Variants in CDK13 observed in about 807,000 individuals in gnomAD.
CDK13 encodes the protein cyclin-dependent kinase 13.
CDK13 carries 40 observed loss-of-function variants against 137.6 expected under a neutral mutation model. The ratio of observed to expected loss-of-function variants is 0.29; its 90% CI spans 0.23 to 0.38. The LOEUF (loss-of-function observed/expected upper bound fraction) is 0.38. CDK13 is among the 10% of genes least tolerant of loss of function. The pLI is 1.00. For missense variants in CDK13, 1,704 were observed against 1,951.8 expected (o/e 0.87, Z 2.39); for synonymous variants, 869 against 760.1 (o/e 1.14, Z -2.36).
At chr7:39,981,018 G>C (rs1428967723) in intron 1 of CDK13, among the ~76,000 whole-genome samples, 1 of 152,106 alleles carries the variant, frequency 6.6e-6, no homozygotes. Flanking sequence ...TCACAAGCAA[G>C]AAACAGGTAA....
At chr7:40,005,240 GA>G (rs1351898525) in intron 5 of CDK13, among the ~76,000 whole-genome samples, 1 of 148,936 alleles carries the variant, frequency 6.7e-6, no homozygotes. Flanking sequence ...TTAAAAATGA[GA>G]AAAAGTTAAT....
rs538441115 is a variant in CDK13 at position 39,952,041 on chromosome 7, C to T, written c.1211+189C>T. The T allele has an allele frequency of 8.8e-6, 4 of 453,938 alleles. No individual in the cohort carries two copies. The Admixed American group carries it at 1.8e-4, about 20-fold the overall frequency. The allele number at this position is 453,938 out of a possible 1,614,324, so 28.1% of individuals were successfully genotyped here. On this transcript the variant is annotated intron_variant, in intron 1 of 13. Transcript: ENST00000181839. ...ACACTTTTTTAGGGGGTCGAAGGGA[C>T]AAAGCAACTGGGCGAAGGGAACTTT...
At chr7:40,078,300 A>G in intron 10 of CDK13, 179 bp downstream of exon 10, 2 of 426,288 alleles carry the variant, frequency 4.7e-6, no homozygotes, top group Non-Finnish European at 8.3e-6. Context: ...TTATGGAATC[A>G]GTGATTTGAG....
intron 7 of CDK13, among the ~76,000 whole-genome samples, chr7:40,049,737 T>C (rs1185290399): frequency 6.6e-6 from 1 of 152,132 alleles, no homozygotes. Flanking sequence ...CTTCCCCCCA[T>C]ACTCCCTATG....
chr7:40,001,059 A>G (rs1345714127), intron 4 of CDK13, among the ~76,000 whole-genome samples: 2 of 152,164 alleles, frequency 1.3e-5, no homozygotes. Flanking sequence ...AGGTTTGGTC[A>G]AGTAATATGT....
At chr7:40,029,073 T>C (rs1049500054) in intron 5 of CDK13, among the ~76,000 whole-genome samples, 3 of 152,002 alleles carry the variant, frequency 2.0e-5, no homozygotes, top group Non-Finnish European at 4.4e-5. Flanking sequence ...ATTTTTTTTT[T>C]TGGAGATTTG....
chr7:39,970,581 C>T (rs574530493), intron 1 of CDK13, among the ~76,000 whole-genome samples: 12 of 152,092 alleles, frequency 7.9e-5, no homozygotes, highest in African/African-American at 2.9e-4. Flanking sequence ...TTGCCTCAGC[C>T]TCCCCAGTAG....
chr7:40,071,014 C>A (rs1562759730), intron 9 of CDK13: 1 of 152,156 alleles, frequency 6.6e-6, no homozygotes, highest in East Asian at 1.9e-4. Context: ...TACACACAAA[C>A]CCTCAGGCCT....
At chr7:39,959,549 C>T (rs1240537516) in intron 1 of CDK13, among the ~76,000 whole-genome samples, 1 of 151,920 alleles carries the variant, frequency 6.6e-6, no homozygotes, top group Non-Finnish European at 1.5e-5. Flanking sequence ...TCACTGCAAC[C>T]TCCACCTCCC....
chr7:40,089,437 CAA>C (rs67433312), intron 12 of CDK13, among the ~76,000 whole-genome samples: 308 of 123,780 alleles, frequency 2.5e-3, no homozygotes, highest in East Asian at 5.5e-3. Context: ...GAGACTGTCT[CAA>C]AAAAAAAAAA....
chr7:39,951,932 T>G (rs903091654), intron 1 of CDK13, 80 bp downstream of exon 1: 5 of 1,290,390 alleles, frequency 3.9e-6, no homozygotes, highest in Middle Eastern at 2.0e-4. Context: ...GGTGCCCGGG[T>G]CCTCAGAACG....
Position 39,990,972 on chromosome 7 carries a change from T to G in CDK13, c.1871+2714T>G, listed in dbSNP as rs189676219. Among the ~76,000 whole-genome samples the G allele has an allele frequency of 2.7e-3, 411 of 152,344 alleles. 1 individual carries two copies. The highest frequency in any genetic ancestry group is 9.4e-3 in the African/African-American group (390 of 41,580). ...TTTACATTGTATAATATATAAACCA[T>G]TATATGTGTAACATGTAGATCCGGT... On this transcript the variant is annotated intron_variant, in intron 2 of 13. Coordinates refer to ENST00000181839, the MANE Select transcript of CDK13 (RefSeq NM_003718.5).
At chr7:40,020,307 A>G (rs921306266) in intron 5 of CDK13, among the ~76,000 whole-genome samples, 2 of 151,852 alleles carry the variant, frequency 1.3e-5, no homozygotes, top group African/African-American at 2.4e-5. Context: ...GGCTCAAACA[A>G]TCCTCCCACC....
In CDK13 at chr7:40,098,967, T is replaced by G. The variant is rs1030260061; in HGVS notation, c.*3987T>G. 1 of 152,096 alleles carries G rather than the reference T, an allele frequency of 6.6e-6. No individual in the cohort carries two copies. Among genetic ancestry groups the G allele is most frequent in the African/African-American group, 2.4e-5 (1 of 41,448 alleles). 9.4% of individuals were successfully genotyped at this position (152,096 alleles called of 1,614,324 possible). On this transcript the variant is annotated 3_prime_UTR_variant, in exon 14 of 14. Transcript: ENST00000181839. ...AGGCAAGTCCTGTATGTATTTTTCA[T>G]TTGTTGAAAGAAGATTGGTTATCAG...
intron 1 of CDK13, chr7:39,952,767 T>C (rs1787273006): frequency 6.6e-6 from 1 of 152,228 alleles, no homozygotes; most frequent in South Asian, 2.1e-4. Context: ...TGTCCAGAAA[T>C]CTTTAAAAGG....
chr7:39,963,589 C>T (rs1783800591), intron 1 of CDK13, among the ~76,000 whole-genome samples: 1 of 152,220 alleles, frequency 6.6e-6, no homozygotes, highest in South Asian at 2.1e-4. Context: ...ATTTGACTTT[C>T]TCTTTTCCTA....
At chr7:40,000,491 C>T (rs1223163069) in intron 4 of CDK13, among the ~76,000 whole-genome samples, 1 of 151,924 alleles carries the variant, frequency 6.6e-6, no homozygotes, top group Non-Finnish European at 1.5e-5. Context: ...TGCAGTGAGC[C>T]GAGATTGGAC....
At chr7:40,011,557 C>A (rs946649665) in intron 5 of CDK13, among the ~76,000 whole-genome samples, 3 of 152,164 alleles carry the variant, frequency 2.0e-5, no homozygotes, top group African/African-American at 7.2e-5. Flanking sequence ...TTTTCAGCAA[C>A]TGGTGCTGGG....
At chr7:40,069,495 C>G in intron 9 of CDK13, 1 of 324,068 alleles carries the variant, frequency 3.1e-6, no homozygotes, top group Non-Finnish European at 6.2e-6. Context: ...TAAAAGAGGA[C>G]TGATAACATG....
Sources: allele counts gnomAD v4.1 joint callset (sites outside exome capture counted in the v4.1 genomes callset), GRCh38; gene constraint gnomAD v4.1.1; transcripts MANE v1.5; gene names NCBI Gene and HGNC (gene_info 2026-07-23, HGNC 2026-07-21).